The following THSD7A variants were observed in gnomAD, a reference collection of about 807,000 sequenced individuals.
The protein encoded by THSD7A is thrombospondin type 1 domain containing 7A.
THSD7A carries 96 observed loss-of-function variants against 231.3 expected under a neutral mutation model. The ratio of observed to expected loss-of-function variants is 0.41; its 90% CI spans 0.35 to 0.49. The LOEUF (loss-of-function observed/expected upper bound fraction) is 0.49. THSD7A is among the 20% of genes least tolerant of loss of function. The probability of loss-of-function intolerance (pLI) is 0.05; values close to 1 mark genes in which losing one functional copy is unlikely to be tolerated. For synonymous variants in THSD7A, 940 were observed against 743.3 expected (o/e 1.26, Z -4.30); for missense variants, 2,290 against 2,070.2 (o/e 1.11, Z -2.06).
At chr7:11,546,793 T>C (rs1274123695) in intron 4 of THSD7A, among the ~76,000 whole-genome samples, 1 of 152,138 alleles carries the variant, frequency 6.6e-6, no homozygotes, top group African/African-American at 2.4e-5. Context: ...CAGGAGAAAG[T>C]TGAAACCCGA....
chr7:11,640,697 G>A (rs1414582098), intron 1 of THSD7A, among the ~76,000 whole-genome samples: 2 of 151,900 alleles, frequency 1.3e-5, no homozygotes, highest in Non-Finnish European at 2.9e-5. Context: ...CTAGTTAAAA[G>A]CATATATTTC....
chr7:11,631,004 A>G (rs17164940), intron 2 of THSD7A, among the ~76,000 whole-genome samples: 6,553 of 152,216 alleles, frequency 0.043, 436 homozygotes, highest in East Asian at 0.26. Flanking sequence ...CAGCCAGAAG[A>G]CCAGAAAATA....
At position 11,447,401 on chromosome 7, in the gene THSD7A, C is replaced by A; in HGVS notation, c.2629G>T (p.Gly877Ter). Residue 877 changes from glycine (G) to a stop codon, truncating the protein, a stop_gained, in exon 12 of 28, where the codon GGA (glycine) becomes TGA (stop). Transcript: ENST00000423059. LOFTEE classifies it high-confidence loss of function. ...ARAITCRKQD[G>*]GQAGIHECLQ... is the part of the protein sequence containing the mutation. ...CACTCATGGATTCCAGCCTGTCCTC[C>A]ATCTTGCTTGCGACAAGTAATGGCT... 2 of 1,575,686 alleles carry A rather than the reference C, an allele frequency of 1.3e-6. No homozygotes were observed. Among genetic ancestry groups the A allele is most frequent in the South Asian group, 1.2e-5 (1 of 85,806 alleles).
chr7:11,531,774 T>C (rs797011423), intron 6 of THSD7A, among the ~76,000 whole-genome samples: 5 of 152,258 alleles, frequency 3.3e-5, no homozygotes, highest in African/African-American at 1.2e-4. Context: ...AAAATGTCAG[T>C]AGGGTTTGGC....
intron 4 of THSD7A, among the ~76,000 whole-genome samples, chr7:11,557,392 T>C (rs973041873): frequency 4.6e-5 from 7 of 152,208 alleles, no homozygotes; most frequent in East Asian, 1.9e-4. Context: ...TGTTGAAAGA[T>C]TTTCATCATG....
Position 11,619,585 on chromosome 7 carries a change from T to A in THSD7A, c.1022+16545A>T, listed in dbSNP as rs571839879. 3.0e-4 allele frequency among the ~76,000 whole-genome samples: 46 copies of A among 151,948 alleles called. 3 individuals carry two copies. In the South Asian group the frequency reaches 9.2e-3, roughly 30 times the overall value. ...TCCTATGCCCAACTAATTTTTTAAA[T>A]TTTATTATTATTTTCTGTAGAGATA... On this transcript the variant is annotated intron_variant, in intron 2 of 27. Coordinates refer to ENST00000423059, the MANE Select transcript of THSD7A (RefSeq NM_015204.3).
intron 1 of THSD7A, among the ~76,000 whole-genome samples, chr7:11,824,714 A>G (rs1355431696): frequency 6.6e-6 from 1 of 152,172 alleles, no homozygotes; most frequent in East Asian, 1.9e-4. Flanking sequence ...ATAAATTACA[A>G]AAGAAAAAAA....
At position 11,543,120 on chromosome 7, in the gene THSD7A, A is replaced by G. The variant is rs1789224545; in HGVS notation, c.1454-3T>C. 6.2e-7 allele frequency: 1 copy of G among 1,608,430 alleles called. No homozygotes were observed. The highest frequency in any genetic ancestry group is 1.3e-5 in the African/African-American group (1 of 74,730). On this transcript the variant is annotated splice_region_variant and splice_polypyrimidine_tract_variant and intron_variant, in intron 4 of 27. Coordinates refer to ENST00000423059, the MANE Select transcript of THSD7A (RefSeq NM_015204.3). ...TTTTAAGTCCATTGGCTTTGAGGCT[A>G]GAGAAAAATACAGACACATATTAAA...
intron 4 of THSD7A, among the ~76,000 whole-genome samples, chr7:11,551,401 A>T (rs1789620759): frequency 6.6e-6 from 1 of 152,142 alleles, no homozygotes; most frequent in African/African-American, 2.4e-5. Context: ...TCCACTGAGT[A>T]AACAGATAAC....
At chr7:11,762,602 AT>A (rs1211386585) in intron 1 of THSD7A, among the ~76,000 whole-genome samples, 1 of 151,954 alleles carries the variant, frequency 6.6e-6, no homozygotes, top group East Asian at 1.9e-4. Flanking sequence ...ATTCTTGTTG[AT>A]TTGTTTAAGT....
In THSD7A at chr7:11,708,979, T is replaced by C. The variant is rs553339627; in HGVS notation, c.191-72018A>G. Among the ~76,000 whole-genome samples, 19 of 150,762 alleles carry C rather than the reference T, an allele frequency of 1.3e-4. 1 individual carries two copies. In the South Asian group the frequency reaches 3.7e-3, roughly 30 times the overall value. ...GCCACAGGAGTGGTTTAGAAAATAA[T>C]TATAAGGAAAATTTAGAAAAGGGAA... On this transcript the variant is annotated intron_variant, in intron 1 of 27. Coordinates refer to ENST00000423059, the MANE Select transcript of THSD7A (RefSeq NM_015204.3).
chr7:11,781,539 T>C (rs1301348024), intron 1 of THSD7A, among the ~76,000 whole-genome samples: 5 of 152,128 alleles, frequency 3.3e-5, no homozygotes, highest in African/African-American at 1.2e-4. Flanking sequence ...AAATCCTATT[T>C]AATAACTTGT....
At chr7:11,560,270 A>T (rs989871190) in intron 4 of THSD7A, among the ~76,000 whole-genome samples, 2 of 152,192 alleles carry the variant, frequency 1.3e-5, no homozygotes, top group African/African-American at 4.8e-5. Flanking sequence ...AGAGGAAAGC[A>T]GTCATGAATA....
At chr7:11,448,340 T>C (rs948311321) in intron 11 of THSD7A, among the ~76,000 whole-genome samples, 3 of 152,150 alleles carry the variant, frequency 2.0e-5, no homozygotes, top group Non-Finnish European at 2.9e-5. Context: ...ACTTTCTCCC[T>C]ATGCCATTTC....
Position 11,474,330 on chromosome 7 carries a change from T to G in THSD7A, c.2252+4A>C. 6.2e-7 allele frequency: 1 copy of G among 1,605,956 alleles called. No individual in the cohort carries two copies. The highest frequency in any genetic ancestry group is 8.5e-7 in the Non-Finnish European group (1 of 1,175,094). Reference sequence around the variant, plus strand: ...ATTTACTGTTGTCATTCTAAAGCTCTTACTTTTTGGGTCCCACTTGGCCCA... The same window carrying G: ...ATTTACTGTTGTCATTCTAAAGCTCGTACTTTTTGGGTCCCACTTGGCCCA... On this transcript the variant is annotated splice_donor_region_variant and intron_variant, in intron 8 of 27. Transcript: ENST00000423059. This position sits in a 1 kb window ranked among gnomAD's most constrained non-coding sequence, Gnocchi z 4.1.
At chr7:11,488,661 G>T (rs1012351662) in intron 6 of THSD7A, among the ~76,000 whole-genome samples, 12 of 152,018 alleles carry the variant, frequency 7.9e-5, no homozygotes, top group African/African-American at 2.2e-4. Context: ...GGATTCTGTT[G>T]TATCTCATTT....
intron 9 of THSD7A, among the ~76,000 whole-genome samples, chr7:11,469,581 G>T (rs1191782068): frequency 6.6e-6 from 1 of 152,012 alleles, no homozygotes; most frequent in Non-Finnish European, 1.5e-5. Context: ...CATATACCAC[G>T]ATATATTCCT....
rs7776728 is a variant in THSD7A at position 11,757,184 on chromosome 7, G to C, written c.190+74573C>G. 9.6e-3 allele frequency among the ~76,000 whole-genome samples: 1,467 copies of C among 152,026 alleles called. 18 individuals carry two copies. The highest frequency in any genetic ancestry group is 0.033 in the African/African-American group (1,368 of 41,506). ...CAAAAGTACTGAAAAGATACTAAAAGCACAATGGTAGAACAGCATTGTAAT... is the reference window on the plus strand; with the variant it reads ...CAAAAGTACTGAAAAGATACTAAAACCACAATGGTAGAACAGCATTGTAAT... On this transcript the variant is annotated intron_variant, in intron 1 of 27. Coordinates refer to ENST00000423059, the MANE Select transcript of THSD7A (RefSeq NM_015204.3).
chr7:11,677,353 C>A (rs1438882465), intron 1 of THSD7A, among the ~76,000 whole-genome samples: 1 of 151,882 alleles, frequency 6.6e-6, no homozygotes, highest in African/African-American at 2.4e-5. Context: ...GAAGAAACTG[C>A]ATCAACTAAT....
Sources: allele counts gnomAD v4.1 joint callset (sites outside exome capture counted in the v4.1 genomes callset), GRCh38; gene constraint gnomAD v4.1.1; non-coding constraint Gnocchi (gnomAD v3.1); transcripts MANE v1.5; gene names NCBI Gene and HGNC (gene_info 2026-07-23, HGNC 2026-07-21).